The following LINGO2 variants were observed in gnomAD, a reference collection of about 807,000 sequenced individuals.
LINGO2 encodes leucine-rich repeat and immunoglobulin-like domain-containing nogo receptor-interacting protein 2.
In LINGO2, 14 loss-of-function variants were observed where a neutral mutation model predicts 30.6. The observed-to-expected ratio is 0.46, with a 90% confidence interval of 0.30 to 0.72. The LOEUF is 0.72. Ranked by LOEUF, LINGO2 falls within the 30% of genes least tolerant of loss-of-function variation. The pLI, the probability that LINGO2 is intolerant of heterozygous loss-of-function variation, is 0.07. For missense variants in LINGO2, 729 were observed against 751.7 expected (o/e 0.97, Z 0.35); for synonymous variants, 317 against 288.5 (o/e 1.10, Z -1.00).
At chr9:28,416,221 A>C (rs1230627762) in intron 2 of LINGO2, among the ~76,000 whole-genome samples, 1 of 152,166 alleles carries the variant, frequency 6.6e-6, no homozygotes, top group Non-Finnish European at 1.5e-5. Flanking sequence ...CTCTTTTCAT[A>C]AAATTAAACA....
At chr9:28,905,122 C>A in the LINGO2 span, among the ~76,000 whole-genome samples, 1 of 151,682 alleles carries the variant, frequency 6.6e-6, no homozygotes, top group African/African-American at 2.4e-5. Flanking sequence ...ATATAAAAAT[C>A]AACTCAAAAT....
intron 1 of LINGO2, among the ~76,000 whole-genome samples, chr9:28,633,887 A>C (rs567271552): frequency 6.6e-6 from 1 of 152,232 alleles, no homozygotes; most frequent in African/African-American, 2.4e-5. Flanking sequence ...TTTGCCTCAA[A>C]ATTTCGATTT....
intron 5 of LINGO2, among the ~76,000 whole-genome samples, chr9:27,970,900 A>C (rs1035373770): frequency 3.3e-5 from 5 of 151,108 alleles, no homozygotes; most frequent in Non-Finnish European, 7.4e-5. Context: ...TCTGAGAGCA[A>C]TTTCTGATTT....
At chr9:28,165,043 C>T (rs954302962) in intron 4 of LINGO2, among the ~76,000 whole-genome samples, 11 of 152,178 alleles carry the variant, frequency 7.2e-5, no homozygotes, top group African/African-American at 2.7e-4. Flanking sequence ...CATCTCTGGG[C>T]AATACCTACA....
At chr9:28,771,452 GGTGTGTGTGTGTGTGTGTGTGTGTGTGT>G in the LINGO2 span, among the ~76,000 whole-genome samples, 1 of 120,288 alleles carries the variant, frequency 8.3e-6, no homozygotes, top group African/African-American at 3.0e-5. Flanking sequence ...TTTCCTATTT[GGTGTGTGTGTGTGTGTGTGTGTGTGTGT>G]GTGTGTGTGT....
At chr9:28,983,116 C>T in the LINGO2 span, among the ~76,000 whole-genome samples, 14 of 151,922 alleles carry the variant, frequency 9.2e-5, no homozygotes, top group African/African-American at 2.9e-4. Flanking sequence ...GTAGACAAAA[C>T]GCTATCTGTG....
the LINGO2 span, among the ~76,000 whole-genome samples, chr9:29,003,982 T>C: frequency 1.3e-5 from 2 of 152,016 alleles, no homozygotes; most frequent in Non-Finnish European, 2.9e-5. Flanking sequence ...TATTCCAATC[T>C]AAAAATGACA....
At chr9:28,042,826 A>G (rs1243712155) in intron 4 of LINGO2, among the ~76,000 whole-genome samples, 1 of 152,134 alleles carries the variant, frequency 6.6e-6, no homozygotes, top group Non-Finnish European at 1.5e-5. Flanking sequence ...AACAAATGTT[A>G]TTATACAAAT....
rs531357768 is a variant in LINGO2 at position 28,120,698 on chromosome 9, T to A, written c.-86-108293A>T. ...TTTCTAGATGTAAAATGGAAAAAAATTAATAATGAGTGTAGTTCCTTGTTA... is the reference window on the plus strand; with the variant it reads ...TTTCTAGATGTAAAATGGAAAAAAAATAATAATGAGTGTAGTTCCTTGTTA... On this transcript the variant is annotated intron_variant, in intron 4 of 5. Coordinates refer to ENST00000379992, the Ensembl canonical transcript of LINGO2. Among the ~76,000 whole-genome samples the A allele has an allele frequency of 3.5e-4, 54 of 152,204 alleles. 1 individual carries two copies. Among genetic ancestry groups the A allele is most frequent in the African/African-American group, 1.3e-3 (53 of 41,524 alleles).
chr9:28,178,525 T>G (rs1828810937), intron 4 of LINGO2, among the ~76,000 whole-genome samples: 1 of 152,132 alleles, frequency 6.6e-6, no homozygotes, highest in Non-Finnish European at 1.5e-5. Flanking sequence ...TAATATTCAT[T>G]ACAAAAATAA....
chr9:28,014,794 C>A (rs1304690185), intron 4 of LINGO2, among the ~76,000 whole-genome samples: 1 of 152,090 alleles, frequency 6.6e-6, no homozygotes, highest in Non-Finnish European at 1.5e-5. Context: ...TTATAAGAAT[C>A]TAGGTATATG....
At chr9:28,315,827 G>A (rs1318176823) in intron 3 of LINGO2, among the ~76,000 whole-genome samples, 1 of 152,152 alleles carries the variant, frequency 6.6e-6, no homozygotes, top group Non-Finnish European at 1.5e-5. Context: ...TAAAAACTAT[G>A]AATATGACAT....
chr9:29,120,388 G>A, the LINGO2 span, among the ~76,000 whole-genome samples: 6 of 144,574 alleles, frequency 4.2e-5, no homozygotes, highest in South Asian at 2.1e-4. Flanking sequence ...AACCAAAAAC[G>A]GGTCTAAGAA....
At chr9:28,765,064 T>C in the LINGO2 span, among the ~76,000 whole-genome samples, 1 of 152,030 alleles carries the variant, frequency 6.6e-6, no homozygotes. Context: ...AAAATGTTCA[T>C]ACTACCTAAA....
chr9:28,213,633 T>C (rs913795018), intron 4 of LINGO2, among the ~76,000 whole-genome samples: 1 of 151,460 alleles, frequency 6.6e-6, no homozygotes, highest in Non-Finnish European at 1.5e-5. Flanking sequence ...TCTTCTCTAT[T>C]AGTCAATAAA....
chr9:28,114,307 G>A (rs200606637), intron 4 of LINGO2, among the ~76,000 whole-genome samples: 5,200 of 85,538 alleles, frequency 0.061, 113 homozygotes, highest in South Asian at 0.14. Context: ...TGTTGGATTC[G>A]GTTTGCCAGT....
At chr9:28,952,552 T>C in the LINGO2 span, among the ~76,000 whole-genome samples, 3 of 152,170 alleles carry the variant, frequency 2.0e-5, no homozygotes, top group African/African-American at 4.8e-5. Context: ...TGTAGAGGAA[T>C]GTGACTTCTG....
At chr9:28,707,077 G>C in the LINGO2 span, among the ~76,000 whole-genome samples, 3 of 152,000 alleles carry the variant, frequency 2.0e-5, no homozygotes, top group African/African-American at 7.2e-5. Context: ...AATTCATACA[G>C]TGTGATGATT....
At chr9:28,880,206 G>A in the LINGO2 span, among the ~76,000 whole-genome samples, 2 of 152,130 alleles carry the variant, frequency 1.3e-5, no homozygotes, top group East Asian at 1.9e-4. Context: ...CCTCCCAGGT[G>A]TAGGGAAAAG....
Sources: allele counts gnomAD v4.1 joint callset (sites outside exome capture counted in the v4.1 genomes callset), GRCh38; gene constraint gnomAD v4.1.1; transcripts MANE v1.5; gene names NCBI Gene and HGNC (gene_info 2026-07-23, HGNC 2026-07-21).